Variants in B3GLCT observed in about 807,000 individuals in gnomAD.
B3GLCT encodes beta-1,3-glucosyltransferase.
A neutral mutation model predicts 63.4 loss-of-function variants in B3GLCT; 65 were observed. The ratio of observed to expected loss-of-function variants is 1.03; its 90% CI spans 0.84 to 1.26. The LOEUF (loss-of-function observed/expected upper bound fraction) is 1.26. Ranked by LOEUF, B3GLCT falls within the 50% of genes most tolerant of loss-of-function variation. B3GLCT has a pLI of 0.00. For missense variants in B3GLCT, 577 were observed against 604.8 expected (o/e 0.95, Z 0.48); for synonymous variants, 233 against 219.2 (o/e 1.06, Z -0.55).
At chr13:31,237,658 T>C (rs1345796702) in intron 4 of B3GLCT, among the ~76,000 whole-genome samples, 1 of 152,212 alleles carries the variant, frequency 6.6e-6, no homozygotes, top group Non-Finnish European at 1.5e-5. Flanking sequence ...CCCCGTCTAC[T>C]GGAGGCTGTT....
intron 4 of B3GLCT, among the ~76,000 whole-genome samples, chr13:31,229,762 G>A (rs2016035): frequency 0.97 from 145,485 of 149,254 alleles, 70,923 homozygotes; most frequent in East Asian, 1. Context: ...AAAAAAAAAG[G>A]AAAAAAACGT....
intron 4 of B3GLCT, among the ~76,000 whole-genome samples, chr13:31,237,720 A>AG (rs1870729056): frequency 6.6e-6 from 1 of 152,152 alleles, no homozygotes; most frequent in Non-Finnish European, 1.5e-5. Flanking sequence ...CAGCTGTGGG[A>AG]GCTGAGAAAG....
chr13:31,265,632 A>G (rs541422314), intron 7 of B3GLCT, among the ~76,000 whole-genome samples: 1 of 152,326 alleles, frequency 6.6e-6, no homozygotes, highest in Admixed American at 6.5e-5. Context: ...CAGTCCATCC[A>G]TTTGATCAAT....
chr13:31,204,463 G>C (rs1593241790), intron 1 of B3GLCT, among the ~76,000 whole-genome samples: 3 of 152,286 alleles, frequency 2.0e-5, no homozygotes, highest in Admixed American at 6.5e-5. Flanking sequence ...TTAGAGCTCA[G>C]ACCCGAAAGG....
intron 8 of B3GLCT, among the ~76,000 whole-genome samples, chr13:31,269,570 T>C (rs548295983): frequency 2.6e-5 from 4 of 152,248 alleles, no homozygotes; most frequent in Non-Finnish European, 4.4e-5. Context: ...AAAAATGTCA[T>C]TAAAAGTACC....
intron 3 of B3GLCT, among the ~76,000 whole-genome samples, chr13:31,228,380 A>G (rs1593257827): frequency 6.6e-6 from 1 of 152,242 alleles, no homozygotes; most frequent in Non-Finnish European, 1.5e-5. Flanking sequence ...GAAGTAGTGT[A>G]GTAGTGAGCT....
At chr13:31,206,590 A>C (rs1414019503) in intron 1 of B3GLCT, among the ~76,000 whole-genome samples, 1 of 151,256 alleles carries the variant, frequency 6.6e-6, no homozygotes, top group East Asian at 1.9e-4. Context: ...AATGCAAAAA[A>C]AAAAAAAAAA....
intron 6 of B3GLCT, among the ~76,000 whole-genome samples, chr13:31,254,987 A>C (rs1380905038): frequency 2.0e-5 from 3 of 148,988 alleles, no homozygotes; most frequent in Non-Finnish European, 4.4e-5. Context: ...CAGTGAGCTG[A>C]GATGGCGCCA....
chr13:31,238,937 C>T (rs905003148), intron 4 of B3GLCT, among the ~76,000 whole-genome samples: 95 of 152,116 alleles, frequency 6.2e-4, no homozygotes, highest in African/African-American at 9.2e-4. Flanking sequence ...TTTGAGTTGA[C>T]GCTGTGCTAA....
intron 13 of B3GLCT, among the ~76,000 whole-genome samples, chr13:31,320,379 G>A (rs1875274632): frequency 6.6e-6 from 1 of 152,096 alleles, no homozygotes; most frequent in Non-Finnish European, 1.5e-5. Context: ...CTTTGGGCCC[G>A]AAAGCCCAAG....
intron 4 of B3GLCT, among the ~76,000 whole-genome samples, chr13:31,236,524 A>G (rs1215591792): frequency 1.3e-5 from 2 of 152,202 alleles, no homozygotes; most frequent in African/African-American, 4.8e-5. Flanking sequence ...GACTAAAGCA[A>G]TAAGGAAGCT....
At chr13:31,256,427 T>C (rs558420760) in intron 6 of B3GLCT, among the ~76,000 whole-genome samples, 4 of 152,332 alleles carry the variant, frequency 2.6e-5, no homozygotes, top group Admixed American at 2.6e-4. Context: ...ACTGGGTATA[T>C]ACCCAAAGGA....
At position 31,205,550 on chromosome 13, in the gene B3GLCT, C is replaced by T. The variant is rs568705091; in HGVS notation, c.70+5396C>T. The stretch of plus-strand genomic sequence containing the variant: ...CTTCAGCCTGGGTGACAGAGTGAGA[C>T]TCCGTCTAAAAGAAAAAAAAAAGTT... On this transcript the variant is annotated intron_variant, in intron 1 of 14. Transcript: ENST00000343307. 2.1e-3 allele frequency among the ~76,000 whole-genome samples: 322 copies of T among 151,948 alleles called. 2 individuals are homozygous for T. The highest frequency in any genetic ancestry group is 3.0e-3 in the Non-Finnish European group (204 of 67,992).
chr13:31,299,278 G>A (rs1262629332), intron 12 of B3GLCT, among the ~76,000 whole-genome samples: 6 of 152,160 alleles, frequency 3.9e-5, no homozygotes, highest in Admixed American at 3.9e-4. Flanking sequence ...CTATGACTCT[G>A]AGGAGACTAT....
chr13:31,323,867 C>A lies in B3GLCT; in HGVS notation c.1301C>A (p.Pro434His), dbSNP rs2137947472. ...ATGTGCTTTAGTGGCTTGGGAATCC[C>A]TGTGACACACAGCCCTCTCTTCCAT... ...LGMCFSGLGI[P>H]VTHSPLFHQA... Residue 434 changes from proline (P) to histidine (H), a missense_variant, in exon 14 of 15, where the codon CCT (proline) becomes CAT (histidine). By Grantham distance (77) the Pro-to-His change is moderately conservative. Transcript: ENST00000343307. 6.2e-7 allele frequency: 1 copy of A among 1,614,204 alleles called. No individual in the cohort carries two copies.
chr13:31,270,171 T>C (rs1872519967), intron 8 of B3GLCT, among the ~76,000 whole-genome samples: 1 of 152,192 alleles, frequency 6.6e-6, no homozygotes, highest in Admixed American at 6.5e-5. Context: ...AAGGCCCTTT[T>C]TGCATTTCAC....
At chr13:31,234,701 G>A (rs1870561335) in intron 4 of B3GLCT, among the ~76,000 whole-genome samples, 1 of 152,120 alleles carries the variant, frequency 6.6e-6, no homozygotes, top group African/African-American at 2.4e-5. Context: ...GGGGAGCCAG[G>A]CTTCTCTGGG....
rs1368094374 is a variant in B3GLCT at position 31,329,714 on chromosome 13, G to A, written c.*46G>A. The A allele has an allele frequency of 1.9e-6, 3 of 1,602,510 alleles. No individual in the cohort carries two copies. The highest frequency in any genetic ancestry group is 2.6e-6 in the Non-Finnish European group (3 of 1,171,028). On this transcript the variant is annotated 3_prime_UTR_variant, in exon 15 of 15. Transcript: ENST00000343307. ...TAGCCTGCGCAGGGAATGAACTGGAGACTGTGGCCTCATCCCACTGTGCTG... is the reference window on the plus strand; with the variant it reads ...TAGCCTGCGCAGGGAATGAACTGGAAACTGTGGCCTCATCCCACTGTGCTG...
At chr13:31,262,393 C>T (rs1872081524) in intron 7 of B3GLCT, among the ~76,000 whole-genome samples, 1 of 152,250 alleles carries the variant, frequency 6.6e-6, no homozygotes, top group Non-Finnish European at 1.5e-5. Context: ...CGGCCCCTGC[C>T]AAGCATGCCT....
Sources: allele counts gnomAD v4.1 joint callset (sites outside exome capture counted in the v4.1 genomes callset), GRCh38; gene constraint gnomAD v4.1.1; transcripts MANE v1.5; gene names NCBI Gene and HGNC (gene_info 2026-07-23, HGNC 2026-07-21).